ROBO1: variants seen among roughly 807,000 people sequenced by gnomAD.
ROBO1 encodes roundabout guidance receptor 1.
ROBO1 carries 149 observed loss-of-function variants against 195.9 expected under a neutral mutation model. The observed-to-expected ratio is 0.76, with a 90% CI of 0.67 to 0.87. The LOEUF is 0.87. Ranked by LOEUF, ROBO1 falls within the 40% of genes least tolerant of loss-of-function variation. The pLI is 0.00. For synonymous variants in ROBO1, 816 were observed against 733.2 expected (o/e 1.11, Z -1.82); for missense variants, 1,933 against 2,068.3 (o/e 0.93, Z 1.27).
chr3:79,221,427 C>A (rs2082137007), intron 2 of ROBO1, among the ~76,000 whole-genome samples: 1 of 151,984 alleles, frequency 6.6e-6, no homozygotes. Context: ...CAGAATGAGC[C>A]CATACAATGG....
intron 4 of ROBO1, among the ~76,000 whole-genome samples, chr3:78,904,674 G>C (rs538309908): frequency 6.6e-6 from 1 of 150,524 alleles, no homozygotes; most frequent in African/African-American, 2.4e-5. Flanking sequence ...CTGTGTGTAT[G>C]TATATGTATA....
At chr3:79,203,913 C>T (rs2081815331) in intron 2 of ROBO1, among the ~76,000 whole-genome samples, 1 of 152,024 alleles carries the variant, frequency 6.6e-6, no homozygotes, top group African/African-American at 2.4e-5. Flanking sequence ...CCAATGCCAC[C>T]CGCTACTCAG....
At chr3:79,623,695 C>T (rs576336902) in intron 1 of ROBO1, among the ~76,000 whole-genome samples, 1 of 152,006 alleles carries the variant, frequency 6.6e-6, no homozygotes, top group South Asian at 2.1e-4. Context: ...TATGGGACTT[C>T]AATAAACGAC....
intron 4 of ROBO1, among the ~76,000 whole-genome samples, chr3:78,777,900 C>T (rs1009919580): frequency 1.3e-5 from 2 of 152,178 alleles, no homozygotes; most frequent in African/African-American, 4.8e-5. Flanking sequence ...AGAGGGCATC[C>T]TTGCCTTGTG....
chr3:79,335,294 T>C (rs539226551), intron 2 of ROBO1, among the ~76,000 whole-genome samples: 20 of 152,274 alleles, frequency 1.3e-4, no homozygotes, highest in African/African-American at 4.6e-4. Context: ...TCAAGAAATT[T>C]GTACAGGGAG....
At chr3:79,413,025 G>A (rs2037845606) in intron 2 of ROBO1, among the ~76,000 whole-genome samples, 1 of 150,388 alleles carries the variant, frequency 6.6e-6, no homozygotes, top group African/African-American at 2.4e-5. Flanking sequence ...TTCTGTTTGG[G>A]ACCAAATTTA....
chr3:79,764,221 A>G (rs1704863720), intron 1 of ROBO1, among the ~76,000 whole-genome samples: 1 of 152,222 alleles, frequency 6.6e-6, no homozygotes, highest in Admixed American at 6.5e-5. Flanking sequence ...TGAATTAGTC[A>G]GTTAGCCTTC....
chr3:79,693,852 A>T (rs574374545), intron 1 of ROBO1, among the ~76,000 whole-genome samples: 3 of 151,930 alleles, frequency 2.0e-5, no homozygotes, highest in South Asian at 4.1e-4. Context: ...CTAATTATCA[A>T]ATACCAACTT....
At chr3:79,289,073 T>C (rs375783647) in intron 2 of ROBO1, among the ~76,000 whole-genome samples, 1 of 151,010 alleles carries the variant, frequency 6.6e-6, no homozygotes, top group South Asian at 2.1e-4. Context: ...GAATATTTAA[T>C]CTAAGTCCAG....
chr3:79,746,538 T>C (rs1703884280), intron 1 of ROBO1, among the ~76,000 whole-genome samples: 1 of 152,086 alleles, frequency 6.6e-6, no homozygotes, highest in Non-Finnish European at 1.5e-5. Context: ...GACCAATTTA[T>C]AACAACAGTT....
At chr3:79,171,461 C>A (rs1015381555) in intron 2 of ROBO1, among the ~76,000 whole-genome samples, 32 of 139,046 alleles carry the variant, frequency 2.3e-4, no homozygotes, top group Admixed American at 6.5e-4. Flanking sequence ...TTAATTTTTT[C>A]TTTTGTTGAT....
At chr3:79,624,454 C>A (rs1215507747) in intron 1 of ROBO1, among the ~76,000 whole-genome samples, 1 of 151,830 alleles carries the variant, frequency 6.6e-6, no homozygotes, top group Non-Finnish European at 1.5e-5. Flanking sequence ...AGGAGACACA[C>A]AACTCACATG....
intron 4 of ROBO1, among the ~76,000 whole-genome samples, chr3:78,906,945 A>G (rs761483266): frequency 6.6e-6 from 1 of 152,120 alleles, no homozygotes; most frequent in Non-Finnish European, 1.5e-5. Flanking sequence ...AGATTCTTCT[A>G]TCTACTTCCT....
At chr3:79,527,918 T>A (rs1941498408) in intron 2 of ROBO1, 1 of 152,354 alleles carries the variant, frequency 6.6e-6, no homozygotes, top group African/African-American at 2.4e-5. Flanking sequence ...ATATTGACAC[T>A]TCCGTATGAA....
At chr3:78,634,763 G>T (rs1401588003) in intron 23 of ROBO1, among the ~76,000 whole-genome samples, 1 of 151,974 alleles carries the variant, frequency 6.6e-6, no homozygotes, top group Non-Finnish European at 1.5e-5. Context: ...TATTAAATTG[G>T]GTTATTATAC....
At position 79,270,399 on chromosome 3, in the gene ROBO1, C is replaced by T. The variant is rs540219910; in HGVS notation, c.89-144860G>A. ...GTATGCCTGGGGAAGAATGTATGTG[C>T]CAATATTTATAATTTTAACGTTAAG... On this transcript the variant is annotated intron_variant, in intron 2 of 30. Transcript: ENST00000464233. Among the ~76,000 whole-genome samples the T allele has an allele frequency of 3.6e-3, 549 of 151,474 alleles. 3 individuals are homozygous for T. The highest frequency in any genetic ancestry group is 0.013 in the African/African-American group (525 of 41,328).
intron 4 of ROBO1, among the ~76,000 whole-genome samples, chr3:78,752,383 G>A (rs781174313): frequency 2.6e-5 from 4 of 152,028 alleles, no homozygotes; most frequent in Non-Finnish European, 4.4e-5. Flanking sequence ...AAATGTTGAC[G>A]TCTGTCAAAA....
chr3:78,749,869 G>A (rs966441285), intron 4 of ROBO1, among the ~76,000 whole-genome samples: 29 of 152,024 alleles, frequency 1.9e-4, no homozygotes, highest in African/African-American at 6.5e-4. Flanking sequence ...GATTTGAATC[G>A]TATGAAAATT....
At chr3:79,389,689 G>A (rs1001201287) in intron 2 of ROBO1, among the ~76,000 whole-genome samples, 2 of 152,110 alleles carry the variant, frequency 1.3e-5, no homozygotes, top group Admixed American at 6.6e-5. Flanking sequence ...CAATTTTGGA[G>A]AATAATGCAC....
Sources: gnomAD v4.1 joint callset for allele counts (sites outside exome capture counted in the v4.1 genomes callset) on GRCh38, gnomAD v4.1.1 for gene constraint, MANE v1.5 for transcripts, NCBI Gene and HGNC (gene_info 2026-07-23, HGNC 2026-07-21) for gene names.